The following TMEM131 variants were observed in gnomAD, a reference collection of about 807,000 sequenced individuals.
TMEM131 encodes the protein transmembrane protein 131, also known as 2610524E03Rik.
TMEM131 carries 66 observed loss-of-function variants against 211.6 expected under a neutral mutation model. The ratio of observed to expected loss-of-function variants is 0.31; its 90% CI spans 0.26 to 0.38. TMEM131 has a LOEUF of 0.38. TMEM131 is among the 10% of genes least tolerant of loss of function. The pLI is 1.00. For synonymous variants in TMEM131, 844 were observed against 841.3 expected, an observed-to-expected ratio of 1.00 and a Z score of -0.06; for missense variants, 2,036 against 2,299.3, an observed-to-expected ratio of 0.89 and a Z score of 2.34.
intron 1 of TMEM131, among the ~76,000 whole-genome samples, chr2:97,964,421 T>C (rs1678955083): frequency 6.6e-6 from 1 of 152,194 alleles, no homozygotes; most frequent in African/African-American, 2.4e-5. Context: ...GCAAACAAAT[T>C]GCAGGGAAAT....
intron 7 of TMEM131, among the ~76,000 whole-genome samples, chr2:97,838,249 C>A (rs926804447): frequency 6.7e-6 from 1 of 150,312 alleles, no homozygotes; most frequent in African/African-American, 2.5e-5. Context: ...GGCAGGAGAC[C>A]TTCCTTTAAA....
rs73960407 is a variant in TMEM131, at chr2:97,887,994, A to G, written c.359+58T>C. ...CACAGGCAAAAGACAAGACAAATGC[A>G]TGTAAAATACATTTAATAGTTTAAT... On this transcript the variant is annotated intron_variant, in intron 4 of 40. Coordinates refer to ENST00000186436, the MANE Select transcript of TMEM131 (RefSeq NM_015348.2). The G allele has an allele frequency of 4.0e-3, 5,354 of 1,337,980 alleles. 169 individuals carry two copies. In the African/African-American group the frequency reaches 0.067, roughly 17 times the overall value. 82.9% of individuals were successfully genotyped at this position (1,337,980 alleles called of 1,614,324 possible). A position where few individuals can be genotyped will look rare whatever the true frequency, so the allele number is the denominator to read the frequency against.
At chr2:97,806,006 TACAA>T (rs1474940062) in intron 19 of TMEM131, among the ~76,000 whole-genome samples, 1 of 152,132 alleles carries the variant, frequency 6.6e-6, no homozygotes, top group Non-Finnish European at 1.5e-5. Context: ...CCAACAAAGG[TACAA>T]ACAGAGATAG....
chr2:97,903,808 T>C (rs550314347), intron 3 of TMEM131, among the ~76,000 whole-genome samples: 30 of 152,190 alleles, frequency 2.0e-4, no homozygotes, highest in Middle Eastern at 3.4e-3. Context: ...CACAGCCTCC[T>C]GAGTAGCTGG....
chr2:97,915,134 A>G (rs541330733), intron 2 of TMEM131, among the ~76,000 whole-genome samples: 1 of 152,216 alleles, frequency 6.6e-6, no homozygotes, highest in South Asian at 2.1e-4. Context: ...TACCATCTGT[A>G]TTTCCCCTTC....
chr2:97,989,946 C>A (rs1053437399), intron 1 of TMEM131, among the ~76,000 whole-genome samples: 4 of 152,202 alleles, frequency 2.6e-5, no homozygotes, highest in Non-Finnish European at 4.4e-5. Context: ...GCCCTTGGAC[C>A]TCTAATGGAA....
intron 3 of TMEM131, among the ~76,000 whole-genome samples, chr2:97,908,444 C>T (rs765553168): frequency 3.9e-5 from 6 of 152,262 alleles, no homozygotes; most frequent in African/African-American, 1.2e-4. Flanking sequence ...CCTTCGTACA[C>T]GACAGGGGAG....
At chr2:97,931,553 C>T (rs543418691) in intron 1 of TMEM131, among the ~76,000 whole-genome samples, 61 of 152,070 alleles carry the variant, frequency 4.0e-4, no homozygotes, top group Admixed American at 1.4e-3. Flanking sequence ...TCTAAAATAA[C>T]TCATGAAAAA....
At chr2:97,871,362 A>G (rs1400649887) in intron 4 of TMEM131, among the ~76,000 whole-genome samples, 1 of 152,244 alleles carries the variant, frequency 6.6e-6, no homozygotes, top group Non-Finnish European at 1.5e-5. Flanking sequence ...TTAACATTAA[A>G]GCAAGGATGA....
At chr2:97,935,553 G>T (rs567655496) in intron 1 of TMEM131, among the ~76,000 whole-genome samples, 12 of 152,102 alleles carry the variant, frequency 7.9e-5, no homozygotes, top group Admixed American at 3.9e-4. Flanking sequence ...TTAAGATAAT[G>T]AAATTTAATT....
chr2:97,925,101 G>A (rs956924930), intron 2 of TMEM131, among the ~76,000 whole-genome samples: 2 of 152,106 alleles, frequency 1.3e-5, no homozygotes, highest in Non-Finnish European at 2.9e-5. Flanking sequence ...TGAACTCCTG[G>A]ACTCAAGCGA....
rs1420703567 is a variant in TMEM131, at chr2:97,756,552, G to GTTGAC, written c.*542_*546dup. ...TTTTACATTCATTCACCGTTCTTAA[G>GTTGAC]TTGACTTACATTTCTGTAATCTGCT... On this transcript the variant is annotated 3_prime_UTR_variant, in exon 41 of 41. Coordinates refer to ENST00000186436, the MANE Select transcript of TMEM131 (RefSeq NM_015348.2). 2.6e-5 allele frequency: 4 copies of GTTGAC among 152,208 alleles called. No homozygotes were observed. The highest frequency in any genetic ancestry group is 7.2e-5 in the African/African-American group (3 of 41,434). The allele number at this position is 152,208 out of a possible 1,614,324, so 9.4% of individuals were successfully genotyped here. A position where few individuals can be genotyped will look rare whatever the true frequency, so the allele number is the denominator to read the frequency against.
Position 97,827,830 on chromosome 2 carries a change from C to T in TMEM131, c.1074+5535G>A, listed in dbSNP as rs184913235. ...TTGTCTCGGGTGTCAGCTTAACATT[C>T]CATAGATGGGGGGTTAGTTTTTATA... On this transcript the variant is annotated intron_variant, in intron 11 of 40. Coordinates refer to ENST00000186436, the MANE Select transcript of TMEM131 (RefSeq NM_015348.2). Among the ~76,000 whole-genome samples the T allele has an allele frequency of 4.5e-4, 69 of 152,102 alleles. 2 individuals are homozygous for T. The East Asian group carries it at 9.1e-3, about 20-fold the overall frequency.
chr2:97,984,826 T>C (rs1679956211), intron 1 of TMEM131, among the ~76,000 whole-genome samples: 1 of 151,854 alleles, frequency 6.6e-6, no homozygotes, highest in Non-Finnish European at 1.5e-5. Flanking sequence ...AACCACAATA[T>C]AAAAATATGC....
chr2:97,797,234 A>G, intron 26 of TMEM131, 131 bp downstream of exon 26: 3 of 927,180 alleles, frequency 3.2e-6, no homozygotes, highest in Non-Finnish European at 5.0e-6. Context: ...TCAGGCATGG[A>G]GTGTGTGCAT....
intron 4 of TMEM131, chr2:97,887,667 A>G (rs1381490490): frequency 6.2e-6 from 1 of 160,090 alleles, no homozygotes; most frequent in South Asian, 1.8e-4. Flanking sequence ...TTGGTGATAT[A>G]TAAGAGCTTG....
intron 11 of TMEM131, among the ~76,000 whole-genome samples, chr2:97,820,994 A>G (rs1369122034): frequency 6.6e-6 from 1 of 152,118 alleles, no homozygotes; most frequent in Admixed American, 6.5e-5. Flanking sequence ...AAGCTTTGTT[A>G]CAGGTGATCA....
chr2:97,980,225 C>A (rs760987820), intron 1 of TMEM131, among the ~76,000 whole-genome samples: 2 of 152,074 alleles, frequency 1.3e-5, no homozygotes, highest in Non-Finnish European at 2.9e-5. Flanking sequence ...GTGAGACTTA[C>A]CAAAATGTGA....
intron 1 of TMEM131, among the ~76,000 whole-genome samples, chr2:97,940,149 CAT>C (rs1231538584): frequency 6.6e-6 from 1 of 152,128 alleles, no homozygotes; most frequent in African/African-American, 2.4e-5. Context: ...TCCTATTCTA[CAT>C]AGTGTTGGAA....
Sources: gnomAD v4.1 joint callset for allele counts (sites outside exome capture counted in the v4.1 genomes callset) on GRCh38, gnomAD v4.1.1 for gene constraint, MANE v1.5 for transcripts, NCBI Gene and HGNC (gene_info 2026-07-23, HGNC 2026-07-21) for gene names.